ANXA8: variants seen among roughly 807,000 people sequenced by gnomAD.
ANXA8 encodes the protein VAC-beta.
In ANXA8, 9 loss-of-function variants were observed where a neutral mutation model predicts 26.8. The ratio of observed to expected loss-of-function variants is 0.34; its 90% CI spans 0.20 to 0.59. ANXA8 has a LOEUF of 0.59. ANXA8 is among the 20% of genes least tolerant of loss of function. The pLI, the probability that ANXA8 is intolerant of heterozygous loss-of-function variation, is 0.84. For synonymous variants in ANXA8, 39 were observed against 94.8 expected (o/e 0.41, Z 3.42); for missense variants, 83 against 238.5 (o/e 0.35, Z 4.29).
At chr10:47,941,532 C>T in the ANXA8 span, among the ~76,000 whole-genome samples, 3 of 146,812 alleles carry the variant, frequency 2.0e-5, 1 homozygote, top group Admixed American at 6.7e-5. Flanking sequence ...GCATGTGCCT[C>T]GAGTCCCAGC....
the ANXA8 span, among the ~76,000 whole-genome samples, chr10:47,937,280 C>G: frequency 6.7e-6 from 1 of 149,508 alleles, no homozygotes; most frequent in Non-Finnish European, 1.5e-5. Context: ...GATCTGCCAC[C>G]TACACAGAGA....
At chr10:47,978,223 C>T in the ANXA8 span, among the ~76,000 whole-genome samples, 1 of 151,642 alleles carries the variant, frequency 6.6e-6, no homozygotes, top group African/African-American at 2.4e-5. Context: ...GCAAAGGTAT[C>T]TTTGAAAAAA....
the ANXA8 span, chr10:47,710,184 G>C: frequency 9.7e-5 from 106 of 1,097,784 alleles, no homozygotes; most frequent in Non-Finnish European, 1.2e-4. Context: ...ATGTAATGTT[G>C]CCATCTTTTG....
chr10:47,528,327 T>C, the ANXA8 span, among the ~76,000 whole-genome samples: 22 of 138,510 alleles, frequency 1.6e-4, no homozygotes, highest in African/African-American at 4.6e-4. Context: ...GATCCGCCTG[T>C]CTCGGCCTCC....
the ANXA8 span, among the ~76,000 whole-genome samples, chr10:47,743,361 T>TATATATACAC: frequency 4.7e-5 from 2 of 42,804 alleles, no homozygotes; most frequent in South Asian, 1.4e-3. Flanking sequence ...TATACACATA[T>TATATATACAC]ATATATATAC....
intron 6 of ANXA8, 106 bp from the exon 7 acceptor site, chr10:47,475,110 T>C: frequency 6.8e-7 from 1 of 1,476,322 alleles, no homozygotes; most frequent in Non-Finnish European, 9.3e-7. Context: ...TGCTGCTCTT[T>C]GGCTGTGGAA....
the ANXA8 span, among the ~76,000 whole-genome samples, chr10:47,778,978 T>C: frequency 1.8e-4 from 28 of 151,936 alleles, no homozygotes; most frequent in African/African-American, 6.5e-4. Flanking sequence ...ATAACTGCTC[T>C]ACAGAACATG....
the ANXA8 span, among the ~76,000 whole-genome samples, chr10:47,665,093 G>A: frequency 6.8e-6 from 1 of 147,660 alleles, no homozygotes; most frequent in Non-Finnish European, 1.5e-5. Flanking sequence ...TTTTGATTTT[G>A]TTTTTTTGGC....
chr10:47,743,299 T>TAC, the ANXA8 span, among the ~76,000 whole-genome samples: 2 of 9,408 alleles, frequency 2.1e-4, no homozygotes, highest in African/African-American at 7.2e-4. Flanking sequence ...TATATACACA[T>TAC]ATATATATAT....
At chr10:47,557,629 G>T in the ANXA8 span, among the ~76,000 whole-genome samples, 1 of 151,606 alleles carries the variant, frequency 6.6e-6, no homozygotes, top group African/African-American at 2.4e-5. Context: ...AGAACTCTTG[G>T]TTATTTTATA....
At chr10:47,768,190 A>G in the ANXA8 span, among the ~76,000 whole-genome samples, 2 of 151,354 alleles carry the variant, frequency 1.3e-5, no homozygotes, top group Non-Finnish European at 2.9e-5. Context: ...AGCAAGGGCC[A>G]TTTGTGGCAA....
chr10:47,733,197 C>CTT, the ANXA8 span, among the ~76,000 whole-genome samples: 1 of 109,726 alleles, frequency 9.1e-6, no homozygotes. Context: ...TTCTTTCTTT[C>CTT]TTTCTTTCTT....
the ANXA8 span, among the ~76,000 whole-genome samples, chr10:47,778,974 G>A: frequency 2.6e-5 from 4 of 151,500 alleles, no homozygotes; most frequent in South Asian, 2.1e-4. Flanking sequence ...ATATATAACT[G>A]CTCTACAGAA....
the ANXA8 span, among the ~76,000 whole-genome samples, chr10:47,633,320 T>TACGTTCTCACACACCCGTACGTTCA: frequency 6.6e-5 from 6 of 91,474 alleles, no homozygotes; most frequent in African/African-American, 3.4e-4. Context: ...ACGTACGTTC[T>TACGTTCTCACACACCCGTACGTTCA]CACACACCCG....
At chr10:47,696,558 A>C in the ANXA8 span, 1 of 1,315,426 alleles carries the variant, frequency 7.6e-7, no homozygotes, top group Admixed American at 2.7e-5. Flanking sequence ...TAAAGTATAA[A>C]AACATACTAG....
chr10:47,548,618 TTTTTTTGCTAATG>T, the ANXA8 span, among the ~76,000 whole-genome samples: 16 of 144,456 alleles, frequency 1.1e-4, no homozygotes, highest in East Asian at 2.7e-4. Flanking sequence ...CTTTTTTTCT[TTTTTTTGCTAATG>T]TAAAAGATCA....
At chr10:47,957,515 G>A in the ANXA8 span, among the ~76,000 whole-genome samples, 5 of 150,464 alleles carry the variant, frequency 3.3e-5, no homozygotes, top group East Asian at 2.0e-4. Context: ...TCCCGAGAGC[G>A]CTCTGGGAGT....
the ANXA8 span, among the ~76,000 whole-genome samples, chr10:47,651,092 G>C: frequency 1.3e-5 from 2 of 151,452 alleles, no homozygotes; most frequent in Admixed American, 6.6e-5. Context: ...CCAGCTAGTC[G>C]AGAAGCTGAG....
intron 8 of ANXA8, 113 bp downstream of exon 8, chr10:47,474,192 G>T: frequency 1.6e-6 from 1 of 611,646 alleles, no homozygotes; most frequent in Non-Finnish European, 2.9e-6. Context: ...AACAGTCCTG[G>T]GCTCCCTGGC....
Sources: gnomAD v4.1 joint callset for allele counts (sites outside exome capture counted in the v4.1 genomes callset) on GRCh38, gnomAD v4.1.1 for gene constraint, MANE v1.5 for transcripts, NCBI Gene and HGNC (gene_info 2026-07-23, HGNC 2026-07-21) for gene names.